The following SPOCK1 variants were observed in gnomAD, a reference collection of about 807,000 sequenced individuals.
The protein encoded by SPOCK1 is SPARC (osteonectin), cwcv and kazal like domains proteoglycan 1.
Under a neutral mutation model 55.3 loss-of-function variants are expected in SPOCK1, and 23 were observed. The observed-to-expected ratio is 0.42, with a 90% confidence interval of 0.30 to 0.59. SPOCK1 has a LOEUF of 0.59. Among genes scored for constraint, SPOCK1 ranks in the 20% least tolerant of loss-of-function variants. The pLI, the probability that SPOCK1 is intolerant of heterozygous loss-of-function variation, is 0.22. For synonymous variants in SPOCK1, 226 were observed against 221.0 expected, an observed-to-expected ratio of 1.02 and a Z score of -0.20; for missense variants, 499 against 552.5, an observed-to-expected ratio of 0.90 and a Z score of 0.97.
Position 137,304,179 on chromosome 5 carries a change from G to A in SPOCK1, c.187-37124C>T, listed in dbSNP as rs372233225. Among the ~76,000 whole-genome samples, 18 of 152,092 alleles carry A rather than the reference G, an allele frequency of 1.2e-4. No individual in the cohort carries two copies. In the South Asian group the frequency reaches 3.3e-3, roughly 28 times the overall value. ...GAAAAAATCCACCACCTCATCACCTGGAGAAAACCACAGTCAAAATTTTAC... is the reference window on the plus strand; with the variant it reads ...GAAAAAATCCACCACCTCATCACCTAGAGAAAACCACAGTCAAAATTTTAC... On this transcript the variant is annotated intron_variant, in intron 2 of 10. Coordinates refer to ENST00000394945, the MANE Select transcript of SPOCK1 (RefSeq NM_004598.4).
chr5:137,370,407 G>A (rs1218418681), intron 2 of SPOCK1, among the ~76,000 whole-genome samples: 1 of 152,154 alleles, frequency 6.6e-6, no homozygotes, highest in Non-Finnish European at 1.5e-5. Context: ...TGCTAATAAG[G>A]CTCTAACAGG....
intron 2 of SPOCK1, among the ~76,000 whole-genome samples, chr5:137,433,644 G>A (rs1752796625): frequency 6.6e-6 from 1 of 152,144 alleles, no homozygotes; most frequent in South Asian, 2.1e-4. Flanking sequence ...GAAGGCCTTT[G>A]GTTATTGATG....
intron 3 of SPOCK1, among the ~76,000 whole-genome samples, chr5:137,200,991 AC>A (rs1239685743): frequency 6.6e-6 from 1 of 152,234 alleles, no homozygotes; most frequent in Non-Finnish European, 1.5e-5. Context: ...GTTTTACAAC[AC>A]AGCCGGGGAT....
At chr5:137,136,544 G>T (rs116514949) in intron 4 of SPOCK1, among the ~76,000 whole-genome samples, 2,375 of 152,186 alleles carry the variant, frequency 0.016, 65 homozygotes, top group African/African-American at 0.054. Flanking sequence ...CAAAACCCAT[G>T]ATTTGAAAAA....
In SPOCK1 at chr5:136,977,395, T is replaced by C. The variant is rs923295672; in HGVS notation, c.*1259A>G. ...CTTCCATGTGTTATTACGATGTTCT[T>C]TGTAGGCCTCCATTTGGGATTGAGT... On this transcript the variant is annotated 3_prime_UTR_variant, in exon 11 of 11. Coordinates refer to ENST00000394945, the MANE Select transcript of SPOCK1 (RefSeq NM_004598.4). The C allele has an allele frequency of 6.4e-6, 1 of 156,928 alleles. No individual in the cohort carries two copies. Among genetic ancestry groups the C allele is most frequent in the African/African-American group, 2.4e-5 (1 of 41,636 alleles). The allele number at this position is 156,928 out of a possible 1,614,324, so 9.7% of individuals were successfully genotyped here. A position where few individuals can be genotyped will look rare whatever the true frequency, so the allele number is the denominator to read the frequency against.
At chr5:137,354,680 G>A (rs1054192891) in intron 2 of SPOCK1, among the ~76,000 whole-genome samples, 2 of 152,146 alleles carry the variant, frequency 1.3e-5, no homozygotes, top group African/African-American at 4.8e-5. Flanking sequence ...ATCAACTGCA[G>A]GTGTCAGGTA....
intron 3 of SPOCK1, among the ~76,000 whole-genome samples, chr5:137,220,382 T>C (rs1755823974): frequency 6.6e-6 from 1 of 152,206 alleles, no homozygotes; most frequent in Non-Finnish European, 1.5e-5. Context: ...TCACTCTCTA[T>C]AGCACCTGGC....
chr5:137,433,623 C>A (rs796135267), intron 2 of SPOCK1, among the ~76,000 whole-genome samples: 1 of 152,150 alleles, frequency 6.6e-6, no homozygotes, highest in Non-Finnish European at 1.5e-5. Flanking sequence ...AGCAAACGGG[C>A]GAACATCTCA....
chr5:137,470,422 G>A (rs1003778407), intron 2 of SPOCK1, among the ~76,000 whole-genome samples: 4 of 152,224 alleles, frequency 2.6e-5, no homozygotes, highest in Non-Finnish European at 5.9e-5. Context: ...CACAGGCACA[G>A]TGTGGGAGGT....
chr5:137,079,111 C>G (rs1277292220), intron 5 of SPOCK1, among the ~76,000 whole-genome samples: 1 of 152,220 alleles, frequency 6.6e-6, no homozygotes, highest in Non-Finnish European at 1.5e-5. Context: ...CCCCCAGGAG[C>G]CTGCAGTAGG....
At chr5:137,158,489 T>C (rs947916739) in intron 3 of SPOCK1, among the ~76,000 whole-genome samples, 1 of 152,282 alleles carries the variant, frequency 6.6e-6, no homozygotes, top group Admixed American at 6.5e-5. Flanking sequence ...TTTTGGGACA[T>C]GGAACATGTC....
At chr5:137,081,191 G>A (rs1263561767) in intron 5 of SPOCK1, among the ~76,000 whole-genome samples, 1 of 152,188 alleles carries the variant, frequency 6.6e-6, no homozygotes, top group Non-Finnish European at 1.5e-5. Flanking sequence ...TAGAGGGCAG[G>A]CTCCTGAGCC....
At chr5:137,059,076 A>G (rs1355240802) in intron 6 of SPOCK1, among the ~76,000 whole-genome samples, 1 of 95,846 alleles carries the variant, frequency 1.0e-5, no homozygotes, top group East Asian at 2.9e-4. Flanking sequence ...GTGCAAAAAA[A>G]AGAAGGTAAG....
At chr5:137,327,034 C>T (rs929985226) in intron 2 of SPOCK1, among the ~76,000 whole-genome samples, 2 of 152,232 alleles carry the variant, frequency 1.3e-5, no homozygotes, top group Non-Finnish European at 2.9e-5. Context: ...GTTCATTCAT[C>T]AGTGACTTAA....
intron 2 of SPOCK1, among the ~76,000 whole-genome samples, chr5:137,344,817 C>A (rs114888471): frequency 0.037 from 5,638 of 152,262 alleles, 123 homozygotes; most frequent in Middle Eastern, 0.051. Flanking sequence ...GGGAATTTGC[C>A]ATTTTTTAAA....
intron 2 of SPOCK1, among the ~76,000 whole-genome samples, chr5:137,445,053 C>A (rs1753093867): frequency 6.6e-6 from 1 of 152,190 alleles, no homozygotes; most frequent in Non-Finnish European, 1.5e-5. Flanking sequence ...CCCACTACTA[C>A]AAATGGTGGA....
At chr5:137,396,574 A>C (rs956112844) in intron 2 of SPOCK1, among the ~76,000 whole-genome samples, 1 of 152,228 alleles carries the variant, frequency 6.6e-6, no homozygotes, top group Non-Finnish European at 1.5e-5. Flanking sequence ...TGCCTAGTGC[A>C]CCTGCTGCAC....
intron 2 of SPOCK1, among the ~76,000 whole-genome samples, chr5:137,447,414 T>C (rs191458110): frequency 1.3e-5 from 2 of 152,346 alleles, no homozygotes; most frequent in African/African-American, 4.8e-5. Context: ...GGTCCTCTAC[T>C]AGTTCTGTTT....
chr5:137,146,394 C>T (rs771207442), intron 3 of SPOCK1, among the ~76,000 whole-genome samples: 1 of 152,316 alleles, frequency 6.6e-6, no homozygotes, highest in Admixed American at 6.5e-5. Flanking sequence ...AGGCCAGAGG[C>T]CACTCGATTT....
Sources: gnomAD v4.1 joint callset for allele counts (sites outside exome capture counted in the v4.1 genomes callset) on GRCh38, gnomAD v4.1.1 for gene constraint, MANE v1.5 for transcripts, NCBI Gene and HGNC (gene_info 2026-07-23, HGNC 2026-07-21) for gene names.